Variants in CALN1 observed in about 807,000 individuals in gnomAD.
CALN1 encodes calneuron 1.
Under a neutral mutation model 30.6 loss-of-function variants are expected in CALN1, and 17 were observed. The observed-to-expected ratio is 0.56, with a 90% confidence interval of 0.38 to 0.83. The LOEUF is 0.83. Ranked by LOEUF, CALN1 falls within the 40% of genes least tolerant of loss-of-function variation. The pLI, the probability that CALN1 is intolerant of heterozygous loss-of-function variation, is 0.00. For missense variants in CALN1, 291 were observed against 354.9 expected, an observed-to-expected ratio of 0.82 and a Z score of 1.45; for synonymous variants, 156 against 131.4, an observed-to-expected ratio of 1.19 and a Z score of -1.28.
chr7:71,824,303 TCCC>T (rs958708339), intron 5 of CALN1, among the ~76,000 whole-genome samples: 2 of 151,904 alleles, frequency 1.3e-5, no homozygotes, highest in Non-Finnish European at 2.9e-5. Context: ...TCAATCATTG[TCCC>T]CCCAAAATCC....
chr7:72,224,432 C>T (rs780038166), intron 3 of CALN1, among the ~76,000 whole-genome samples: 3 of 152,130 alleles, frequency 2.0e-5, no homozygotes, highest in African/African-American at 4.8e-5. Context: ...AATGCTGTTA[C>T]TCATGTTCAG....
intron 1 of CALN1, among the ~76,000 whole-genome samples, chr7:72,410,334 G>A (rs1053487486): frequency 2.6e-5 from 4 of 152,150 alleles, no homozygotes; most frequent in Non-Finnish European, 4.4e-5. Flanking sequence ...TTACTACTAA[G>A]ATGTATTCAA....
At chr7:72,296,191 C>T (rs1369068962) in intron 2 of CALN1, among the ~76,000 whole-genome samples, 1 of 151,122 alleles carries the variant, frequency 6.6e-6, no homozygotes. Flanking sequence ...ATTGAACCAG[C>T]CTTGCATCCC....
chr7:72,240,432 C>A (rs1021710829), intron 3 of CALN1, among the ~76,000 whole-genome samples: 1 of 152,120 alleles, frequency 6.6e-6, no homozygotes, highest in African/African-American at 2.4e-5. Context: ...TGACCTCAAG[C>A]AATTCTCCAG....
chr7:72,071,284 G>T (rs974497242), intron 4 of CALN1, among the ~76,000 whole-genome samples: 3 of 152,148 alleles, frequency 2.0e-5, no homozygotes, highest in African/African-American at 7.2e-5. Context: ...TCTGACCAGA[G>T]AGGTGCAGAC....
intron 2 of CALN1, among the ~76,000 whole-genome samples, chr7:72,350,476 T>C (rs11764381): frequency 0.2 from 30,912 of 152,160 alleles, 3,973 homozygotes; most frequent in East Asian, 0.4. Flanking sequence ...TCATGTCTTT[T>C]GCACAACAGG....
chr7:71,798,117 C>CAG (rs1787056838), intron 6 of CALN1, among the ~76,000 whole-genome samples: 30 of 62,302 alleles, frequency 4.8e-4, no homozygotes, highest in South Asian at 7.5e-4. Context: ...GAGACAGAGA[C>CAG]AGAGACAGAG....
At chr7:72,427,636 C>G (rs2129563889) in intron 1 of CALN1, among the ~76,000 whole-genome samples, 1 of 151,750 alleles carries the variant, frequency 6.6e-6, no homozygotes, top group South Asian at 2.1e-4. Context: ...TGCCACCACA[C>G]ATGGCAATTT....
At chr7:71,888,461 TAAAA>T (rs543941509) in intron 5 of CALN1, among the ~76,000 whole-genome samples, 1 of 107,114 alleles carries the variant, frequency 9.3e-6, no homozygotes, top group East Asian at 2.4e-4. Context: ...CATTTTTTCT[TAAAA>T]AAAAAAAAAA....
At chr7:72,265,486 C>T (rs1430378256) in intron 3 of CALN1, among the ~76,000 whole-genome samples, 1 of 152,186 alleles carries the variant, frequency 6.6e-6, no homozygotes, top group Non-Finnish European at 1.5e-5. Context: ...AAACTCCCTT[C>T]AGCATCCAGA....
chr7:72,075,731 C>A (rs1356691339), intron 4 of CALN1, among the ~76,000 whole-genome samples: 1 of 152,192 alleles, frequency 6.6e-6, no homozygotes, highest in Non-Finnish European at 1.5e-5. Context: ...TGGCTTCTCA[C>A]TGTCAAGTTT....
At chr7:71,991,141 CG>C (rs755853065) in intron 5 of CALN1, among the ~76,000 whole-genome samples, 81 of 151,882 alleles carry the variant, frequency 5.3e-4, no homozygotes, top group Non-Finnish European at 1.1e-3. Flanking sequence ...AAGAACAAAA[CG>C]AAAGCATAAG....
chr7:71,856,208 T>C lies in CALN1; in HGVS notation c.502-45716A>G, dbSNP rs183408576. On this transcript the variant is annotated intron_variant, in intron 5 of 6. Coordinates refer to ENST00000395275, the MANE Select transcript of CALN1 (RefSeq NM_031468.4). ...TGATACATATGTAAATATACATATA[T>C]ATTTATAAATATACATATACATATA... Among the ~76,000 whole-genome samples the C allele has an allele frequency of 3.1e-3, 474 of 151,586 alleles. 2 individuals are homozygous for C. Among genetic ancestry groups the C allele is most frequent in the African/African-American group, 0.011 (455 of 41,444 alleles).
chr7:72,250,884 A>T (rs1795506567), intron 3 of CALN1, among the ~76,000 whole-genome samples: 1 of 152,114 alleles, frequency 6.6e-6, no homozygotes, highest in African/African-American at 2.4e-5. Context: ...AGTCTCAGGT[A>T]TCCCTATATA....
intron 3 of CALN1, among the ~76,000 whole-genome samples, chr7:72,161,713 T>C (rs1788122919): frequency 6.6e-6 from 1 of 151,546 alleles, no homozygotes; most frequent in African/African-American, 2.4e-5. Context: ...GGGAGCTGAA[T>C]GATGAGAAGA....
intron 4 of CALN1, among the ~76,000 whole-genome samples, chr7:72,060,003 T>C (rs890595194): frequency 1.3e-5 from 2 of 152,074 alleles, no homozygotes; most frequent in Admixed American, 1.3e-4. Context: ...AGCAAAGAGT[T>C]TGCTACAGTT....
intron 1 of CALN1, among the ~76,000 whole-genome samples, chr7:72,410,324 TTAC>T (rs760732151): frequency 5.3e-5 from 8 of 152,310 alleles, no homozygotes; most frequent in South Asian, 2.1e-4. Flanking sequence ...TTTGAATATC[TTAC>T]TACTAAGATG....
intron 4 of CALN1, among the ~76,000 whole-genome samples, chr7:72,057,143 C>T (rs1803309971): frequency 6.6e-6 from 1 of 151,898 alleles, no homozygotes; most frequent in Non-Finnish European, 1.5e-5. Flanking sequence ...GATGGGGTCT[C>T]ACCATGTTGC....
chr7:72,124,928 AG>A (rs1206559933), intron 3 of CALN1, among the ~76,000 whole-genome samples: 2 of 152,192 alleles, frequency 1.3e-5, no homozygotes. Flanking sequence ...ACATAAAAAA[AG>A]AATTACAACT....
Sources: gnomAD v4.1 joint callset for allele counts (sites outside exome capture counted in the v4.1 genomes callset) on GRCh38, gnomAD v4.1.1 for gene constraint, MANE v1.5 for transcripts, NCBI Gene and HGNC (gene_info 2026-07-23, HGNC 2026-07-21) for gene names.